Variants in KPNA1 observed in about 807,000 individuals in gnomAD.
The protein encoded by KPNA1 is importin subunit alpha-5.
Under a neutral mutation model 70.5 loss-of-function variants are expected in KPNA1, and 10 were observed. The observed-to-expected ratio is 0.14, with a 90% CI of 0.09 to 0.24. The LOEUF (loss-of-function observed/expected upper bound fraction) is 0.24, where lower values mean the gene tolerates loss of function less well. Ranked by LOEUF, KPNA1 falls within the 10% of genes least tolerant of loss-of-function variation. The pLI, the probability that KPNA1 is intolerant of heterozygous loss-of-function variation, is 1.00. For missense variants in KPNA1, 397 were observed against 637.9 expected (o/e 0.62, Z 4.07); for synonymous variants, 192 against 221.9 (o/e 0.87, Z 1.20).
At chr3:122,503,564 T>G (rs1433271118) in intron 1 of KPNA1, among the ~76,000 whole-genome samples, 28 of 152,222 alleles carry the variant, frequency 1.8e-4, no homozygotes, top group Non-Finnish European at 1.5e-5. Context: ...AGTAGACTTC[T>G]GTGAGCCTGT....
At chr3:122,442,611 A>T (rs73190109) in intron 9 of KPNA1, 17,211 of 153,692 alleles carry the variant, frequency 0.11, 1,308 homozygotes, top group East Asian at 0.21. Flanking sequence ...CTTACTAAAT[A>T]AGCTGCCTTA....
chr3:122,507,651 T>C (rs1462779739), intron 1 of KPNA1, among the ~76,000 whole-genome samples: 1 of 152,136 alleles, frequency 6.6e-6, no homozygotes, highest in Non-Finnish European at 1.5e-5. Flanking sequence ...ACTACTATTT[T>C]TTCAACTGAG....
At chr3:122,478,692 C>T (rs111284430) in intron 2 of KPNA1, among the ~76,000 whole-genome samples, 20,705 of 149,196 alleles carry the variant, frequency 0.14, 1,529 homozygotes, top group East Asian at 0.32. Context: ...CGCGCCACTG[C>T]ACTCCAGCCT....
Position 122,437,147 on chromosome 3 carries a change from G to A in KPNA1, c.1122+23C>T, listed in dbSNP as rs2107722632. On this transcript the variant is annotated intron_variant, in intron 11 of 13. Transcript: ENST00000344337. Reference sequence around the variant, plus strand: ...ACTTTTCAATAAAAATACTGAAAGAGAAGTTAGGTCCTATGAGGTTACCTG... The same window carrying A: ...ACTTTTCAATAAAAATACTGAAAGAAAAGTTAGGTCCTATGAGGTTACCTG... The A allele has an allele frequency of 1.9e-6, 3 of 1,593,418 alleles. No individual in the cohort carries two copies. In the South Asian group the frequency reaches 3.4e-5, roughly 18 times the overall value.
At chr3:122,504,914 T>C (rs962654666) in intron 1 of KPNA1, among the ~76,000 whole-genome samples, 2 of 146,902 alleles carry the variant, frequency 1.4e-5, no homozygotes, top group Middle Eastern at 3.4e-3. Context: ...AGAGACTCTT[T>C]TTTTTTTTAA....
chr3:122,487,185 G>C (rs1016997169), intron 2 of KPNA1, among the ~76,000 whole-genome samples: 1 of 152,126 alleles, frequency 6.6e-6, no homozygotes, highest in Non-Finnish European at 1.5e-5. Flanking sequence ...GTAAGGATTA[G>C]TCAAGTAACC....
intron 2 of KPNA1, among the ~76,000 whole-genome samples, chr3:122,482,802 T>C (rs1380113861): frequency 3.9e-5 from 6 of 152,148 alleles, no homozygotes; most frequent in African/African-American, 1.4e-4. Context: ...GTAAGACCTA[T>C]ACACCAAAAA....
Position 122,426,661 on chromosome 3 carries a change from C to T in KPNA1, c.*324G>A. ...GAATGAGGAGGAGTCCTCTTTTATT[C>T]CCCCACAAGAAAAAGGGAGCCACAT... On this transcript the variant is annotated 3_prime_UTR_variant, in exon 14 of 14. Transcript: ENST00000344337. 4.6e-6 allele frequency: 1 copy of T among 216,342 alleles called. No individual in the cohort carries two copies. The highest frequency in any genetic ancestry group is 9.1e-6 in the Non-Finnish European group (1 of 110,094). 13.4% of individuals were successfully genotyped at this position (216,342 alleles called of 1,614,324 possible). A position where few individuals can be genotyped will look rare whatever the true frequency, so the allele number is the denominator to read the frequency against.
intron 5 of KPNA1, among the ~76,000 whole-genome samples, chr3:122,458,156 C>T (rs2076284754): frequency 6.6e-6 from 1 of 152,148 alleles, no homozygotes; most frequent in Admixed American, 6.6e-5. Flanking sequence ...TTTTTATAAA[C>T]TTCTATAAGA....
chr3:122,447,544 T>C (rs184754440), intron 9 of KPNA1, among the ~76,000 whole-genome samples: 2 of 152,346 alleles, frequency 1.3e-5, no homozygotes, highest in African/African-American at 4.8e-5. Flanking sequence ...GAGCTATTTA[T>C]GACTAACCCA....
At chr3:122,492,128 G>A (rs2076707421) in intron 2 of KPNA1, among the ~76,000 whole-genome samples, 1 of 151,922 alleles carries the variant, frequency 6.6e-6, no homozygotes, top group African/African-American at 2.4e-5. Flanking sequence ...CCAAAGTGCT[G>A]GGATTACAGG....
chr3:122,439,223 C>T (rs2076030700), intron 10 of KPNA1, among the ~76,000 whole-genome samples: 2 of 152,122 alleles, frequency 1.3e-5, no homozygotes, highest in South Asian at 2.1e-4. Flanking sequence ...CGTTCTATCA[C>T]TAAGGCTGGA....
In KPNA1 at chr3:122,433,800, G is replaced by T; in HGVS notation, c.1123-12C>A. On this transcript the variant is annotated splice_polypyrimidine_tract_variant and intron_variant, in intron 11 of 13. Transcript: ENST00000344337. ...GCATCTATCACAGTCTAAAATTAAA[G>T]AAAAACTTAAATGGAAAAAACTGTG... The T allele has an allele frequency of 6.4e-7, 1 of 1,567,864 alleles. No individual in the cohort carries two copies. The highest frequency in any genetic ancestry group is 8.6e-7 in the Non-Finnish European group (1 of 1,161,710).
chr3:122,500,109 GTTT>G (rs199938248), intron 1 of KPNA1, among the ~76,000 whole-genome samples: 5 of 151,888 alleles, frequency 3.3e-5, no homozygotes, highest in African/African-American at 7.3e-5. Context: ...GGATACAACT[GTTT>G]TTTTGTTGTT....
At position 122,426,793 on chromosome 3, in the gene KPNA1, G is replaced by C. The variant is rs899131318; in HGVS notation, c.*192C>G. ...GTTCTGGTTACCCTTTTATTAGAAG[G>C]GTATTCCACCACAGAGAGCCGGAGG... On this transcript the variant is annotated 3_prime_UTR_variant, in exon 14 of 14. Coordinates refer to ENST00000344337, the MANE Select transcript of KPNA1 (RefSeq NM_002264.4). 8 of 489,688 alleles carry C rather than the reference G, an allele frequency of 1.6e-5. No homozygotes were observed. The highest frequency in any genetic ancestry group is 1.6e-4 in the African/African-American group (8 of 51,292). 30.3% of individuals were successfully genotyped at this position (489,688 alleles called of 1,614,324 possible). A position where few individuals can be genotyped will look rare whatever the true frequency, so the allele number is the denominator to read the frequency against.
intron 2 of KPNA1, among the ~76,000 whole-genome samples, chr3:122,474,419 ACT>A (rs1277722462): frequency 2.0e-5 from 3 of 152,112 alleles, no homozygotes; most frequent in African/African-American, 7.2e-5. Context: ...TAGAGGAATG[ACT>A]CTACCCAACT....
intron 1 of KPNA1, among the ~76,000 whole-genome samples, chr3:122,512,540 G>A (rs932527210): frequency 6.6e-6 from 1 of 152,078 alleles, no homozygotes; most frequent in Non-Finnish European, 1.5e-5. Flanking sequence ...TGGGCAAGAC[G>A]GTGAAACCAC....
rs2075803979 is a variant in KPNA1 at position 122,425,065 on chromosome 3, T to C, written c.*1920A>G. On this transcript the variant is annotated 3_prime_UTR_variant, in exon 14 of 14. Coordinates refer to ENST00000344337, the MANE Select transcript of KPNA1 (RefSeq NM_002264.4). ...AGTTATAGATGGGAGTTGACTAGTT[T>C]TGCAGTGGCTGCGCCATCAATAACA... 6.6e-6 allele frequency: 1 copy of C among 152,514 alleles called. No individual in the cohort carries two copies. The highest frequency in any genetic ancestry group is 1.9e-4 in the East Asian group (1 of 5,198). The allele number at this position is 152,514 out of a possible 1,614,324, so 9.4% of individuals were successfully genotyped here.
chr3:122,492,932 T>C (rs1309412873), intron 2 of KPNA1, among the ~76,000 whole-genome samples: 1 of 152,236 alleles, frequency 6.6e-6, no homozygotes, highest in Non-Finnish European at 1.5e-5. Flanking sequence ...TGTTTTTATA[T>C]ACATATGCTT....
Sources: gnomAD v4.1 joint callset for allele counts (sites outside exome capture counted in the v4.1 genomes callset) on GRCh38, gnomAD v4.1.1 for gene constraint, MANE v1.5 for transcripts, NCBI Gene and HGNC (gene_info 2026-07-23, HGNC 2026-07-21) for gene names.